CHODL: variants seen among roughly 807,000 people sequenced by gnomAD.
CHODL encodes transmembrane protein MT75.
Under a neutral mutation model 34.5 loss-of-function variants are expected in CHODL, and 29 were observed. The observed-to-expected ratio is 0.84, with a 90% CI of 0.63 to 1.15. CHODL has a LOEUF of 1.15. Among genes scored for constraint, CHODL ranks in the 50% most tolerant of loss-of-function variants. The pLI is 0.00. For missense variants in CHODL, 332 were observed against 332.5 expected (o/e 1.00, Z 0.01); for synonymous variants, 125 against 116.1 (o/e 1.08, Z -0.49).
rs539361301 is a variant in CHODL, at chr21:18,199,693, C to T, written c.-44-56816C>T. ...TATGGTTTTGTCTATTACATAATGT[C>T]ATATAGTTGGAATCCTACAATATAT... On this transcript the variant is annotated intron_variant, in intron 2 of 6. Coordinates refer to the CHODL transcript ENST00000400127. Among the ~76,000 whole-genome samples the T allele has an allele frequency of 7.9e-5, 12 of 152,206 alleles. No individual in the cohort carries two copies. In the East Asian group the frequency reaches 2.3e-3, roughly 29 times the overall value.
intron 2 of CHODL, among the ~76,000 whole-genome samples, chr21:18,181,465 G>T (rs1049267050): frequency 6.6e-6 from 1 of 152,124 alleles, no homozygotes; most frequent in Non-Finnish European, 1.5e-5. Context: ...TGCACTGGCG[G>T]GATCTCGGCT....
At chr21:18,043,283 G>A (rs1449363088) in intron 2 of CHODL, among the ~76,000 whole-genome samples, 2 of 152,030 alleles carry the variant, frequency 1.3e-5, no homozygotes, top group Non-Finnish European at 2.9e-5. Context: ...ATGCTCTGCT[G>A]TTGTTGTCCT....
chr21:17,963,353 G>C (rs112859470), intron 1 of CHODL, among the ~76,000 whole-genome samples: 15 of 152,156 alleles, frequency 9.9e-5, no homozygotes, highest in African/African-American at 3.6e-4. Flanking sequence ...GTCCATTTTC[G>C]TACTGCTCTG....
rs1333481522 is a variant in CHODL at position 18,171,198 on chromosome 21, G to GTTCTTTTTTTTTTTTTTT, written c.-44-85309_-44-85308insCTTTTTTTTTTTTTTTTT. Reference sequence around the variant, plus strand: ...TGTTCTTCAGACATGGTTTTCTTTAGTTTTTTTTTTTTTTTTTTTGAGACG... The same window carrying GTTCTTTTTTTTTTTTTTT: ...TGTTCTTCAGACATGGTTTTCTTTAGTTCTTTTTTTTTTTTTTTTTTTTTTTTTTTTTTTTTTGAGACG... On this transcript the variant is annotated intron_variant, in intron 2 of 6. Coordinates refer to the CHODL transcript ENST00000400127. Among the ~76,000 whole-genome samples, 153 of 37,066 alleles carry GTTCTTTTTTTTTTTTTTT rather than the reference G, an allele frequency of 4.1e-3. 72 individuals are homozygous for GTTCTTTTTTTTTTTTTTT. Among genetic ancestry groups the GTTCTTTTTTTTTTTTTTT allele is most frequent in the East Asian group, 7.8e-3 (4 of 510 alleles). 24.3% of individuals were successfully genotyped at this position (37,066 alleles called of 152,430 possible).
chr21:18,160,972 C>A (rs961257803), intron 2 of CHODL, among the ~76,000 whole-genome samples: 2 of 152,188 alleles, frequency 1.3e-5, no homozygotes, highest in Non-Finnish European at 2.9e-5. Flanking sequence ...GTTCCTTTTT[C>A]TCCACAACCT....
intron 2 of CHODL, among the ~76,000 whole-genome samples, chr21:18,143,339 C>T (rs2072825589): frequency 6.6e-6 from 1 of 152,044 alleles, no homozygotes; most frequent in African/African-American, 2.4e-5. Flanking sequence ...CAATATTTCT[C>T]CAATATCTAT....
chr21:18,171,197 A>ATTTCTTTTTT (rs2073224159), intron 2 of CHODL, among the ~76,000 whole-genome samples: 1 of 4,518 alleles, frequency 2.2e-4, no homozygotes, highest in African/African-American at 7.5e-4. Flanking sequence ...GGTTTTCTTT[A>ATTTCTTTTTT]GTTTTTTTTT....
chr21:18,014,772 G>T (rs188339911), intron 1 of CHODL, among the ~76,000 whole-genome samples: 1 of 152,174 alleles, frequency 6.6e-6, no homozygotes, highest in Non-Finnish European at 1.5e-5. Flanking sequence ...TTCAGAAGGC[G>T]AGCAGAGGCT....
chr21:18,129,414 G>A (rs948357478), intron 2 of CHODL, among the ~76,000 whole-genome samples: 1 of 152,114 alleles, frequency 6.6e-6, no homozygotes, highest in African/African-American at 2.4e-5. Context: ...TATTCAGAAT[G>A]CATTGTAGAA....
chr21:18,160,558 C>T (rs905452046), intron 2 of CHODL, among the ~76,000 whole-genome samples: 9 of 152,072 alleles, frequency 5.9e-5, no homozygotes, highest in African/African-American at 9.7e-5. Flanking sequence ...CAACATTTAG[C>T]GTCCACGTAT....
intron 1 of CHODL, among the ~76,000 whole-genome samples, chr21:18,001,586 T>A (rs961954656): frequency 1.8e-4 from 27 of 152,208 alleles, no homozygotes; most frequent in African/African-American, 6.3e-4. Context: ...AGAAAATACA[T>A]TTAGTCCCCG....
intron 2 of CHODL, among the ~76,000 whole-genome samples, chr21:18,028,633 A>G (rs1416506468): frequency 1.4e-5 from 2 of 142,896 alleles, no homozygotes; most frequent in Non-Finnish European, 3.0e-5. Flanking sequence ...TGGGAGGCGG[A>G]GGTTGCAATG....
intron 2 of CHODL, among the ~76,000 whole-genome samples, chr21:18,082,484 T>G (rs1242639517): frequency 6.6e-6 from 1 of 151,966 alleles, no homozygotes; most frequent in Non-Finnish European, 1.5e-5. Context: ...TGGGTAGAGG[T>G]TGCAAGAGTT....
chr21:18,174,522 A>G (rs950413930), intron 2 of CHODL, among the ~76,000 whole-genome samples: 1 of 152,146 alleles, frequency 6.6e-6, no homozygotes, highest in Non-Finnish European at 1.5e-5. Flanking sequence ...CCAAGTTTAT[A>G]AGCTTTTCTT....
At chr21:18,129,944 G>A (rs570819051) in intron 2 of CHODL, among the ~76,000 whole-genome samples, 25 of 151,290 alleles carry the variant, frequency 1.7e-4, no homozygotes, top group Admixed American at 1.1e-3. Context: ...GTGTGTGTAT[G>A]AGCAATTCTA....
chr21:17,992,119 A>C (rs1258943144), intron 1 of CHODL, among the ~76,000 whole-genome samples: 2 of 152,144 alleles, frequency 1.3e-5, no homozygotes, highest in Non-Finnish European at 2.9e-5. Flanking sequence ...CCTTTGTTGA[A>C]AATAAGTTGG....
intron 2 of CHODL, among the ~76,000 whole-genome samples, chr21:18,095,434 A>G (rs1011380430): frequency 1.3e-5 from 2 of 152,190 alleles, no homozygotes; most frequent in African/African-American, 4.8e-5. Context: ...CCTGACAGCT[A>G]TAACCTATTA....
In CHODL at chr21:18,266,820, A is replaced by G. The variant is rs1414032421; in HGVS notation, c.*782A>G. On this transcript the variant is annotated 3_prime_UTR_variant, in exon 6 of 6. Coordinates refer to ENST00000299295, the MANE Select transcript of CHODL (RefSeq NM_024944.3). ...ATAATGTAACTTTGTTAATAGGTGC[A>G]TAAACACTAATGCAGTCAATTTGAA... 6.5e-6 allele frequency: 1 copy of G among 152,768 alleles called. No individual in the cohort carries two copies. Among genetic ancestry groups the G allele is most frequent in the East Asian group, 1.9e-4 (1 of 5,204 alleles). 9.5% of individuals were successfully genotyped at this position (152,768 alleles called of 1,614,324 possible). A position where few individuals can be genotyped will look rare whatever the true frequency, so the allele number is the denominator to read the frequency against.
At chr21:18,040,806 G>T (rs1047506678) in intron 2 of CHODL, among the ~76,000 whole-genome samples, 3 of 150,796 alleles carry the variant, frequency 2.0e-5, no homozygotes, top group African/African-American at 7.3e-5. Context: ...CTACTCGCAG[G>T]TGGTAAAAAA....
Sources: gnomAD v4.1 joint callset for allele counts (sites outside exome capture counted in the v4.1 genomes callset) on GRCh38, gnomAD v4.1.1 for gene constraint, MANE v1.5 for transcripts, NCBI Gene and HGNC (gene_info 2026-07-23, HGNC 2026-07-21) for gene names.